Variants in WDR49 observed in about 807,000 individuals in gnomAD.
WDR49 encodes WD repeat domain 49, also known as cilia- and flagella-associated protein 337.
In WDR49, 107 loss-of-function variants were observed where a neutral mutation model predicts 119.5. The ratio of observed to expected loss-of-function variants is 0.90; its 90% CI spans 0.77 to 1.05. The LOEUF (loss-of-function observed/expected upper bound fraction) is 1.05. WDR49 is among the 50% of genes least tolerant of loss of function. WDR49 has a pLI of 0.00. For synonymous variants in WDR49, 425 were observed against 418.8 expected, an observed-to-expected ratio of 1.01 and a Z score of -0.18; for missense variants, 1,240 against 1,220.5, an observed-to-expected ratio of 1.02 and a Z score of -0.24.
At chr3:167,652,215 T>C (rs1718420565) in intron 2 of WDR49, among the ~76,000 whole-genome samples, 1 of 152,206 alleles carries the variant, frequency 6.6e-6, no homozygotes, top group Non-Finnish European at 1.5e-5. Context: ...TAAGTTCTAT[T>C]ATAAAGAAAT....
intron 8 of WDR49, among the ~76,000 whole-genome samples, chr3:167,565,266 T>C (rs1054721312): frequency 6.6e-6 from 1 of 151,796 alleles, no homozygotes; most frequent in Admixed American, 6.6e-5. Context: ...ATACCTGTAA[T>C]ATGCAAGGCC....
At chr3:167,653,239 G>A (rs1406316976) in intron 2 of WDR49, 22 bp downstream of exon 2, 2 of 1,535,590 alleles carry the variant, frequency 1.3e-6, no homozygotes, top group African/African-American at 2.7e-5. Context: ...CAAACTATCT[G>A]GTCAATAAGC....
At position 167,481,534 on chromosome 3, in the gene WDR49, GAC is replaced by G. The variant is rs1750718485; in HGVS notation, c.3032-2540_3032-2539del. 2.6e-5 allele frequency among the ~76,000 whole-genome samples: 4 copies of G among 152,000 alleles called. No homozygotes were observed. In the South Asian group the frequency reaches 8.3e-4, roughly 32 times the overall value. On this transcript the variant is annotated intron_variant, in intron 18 of 18. Coordinates refer to ENST00000682715, the MANE Select transcript of WDR49 (RefSeq NM_001366157.1). The stretch of plus-strand genomic sequence containing the variant: ...AATTAGAAAAATAATAAATGTTGAA[GAC>G]AGACAAAAAATAGATCAACAAACAT...
intron 8 of WDR49, among the ~76,000 whole-genome samples, chr3:167,572,455 G>T (rs1713986924): frequency 6.6e-6 from 1 of 152,200 alleles, no homozygotes; most frequent in Non-Finnish European, 1.5e-5. Context: ...ACAAGGGAAG[G>T]TTTTCATTAA....
At chr3:167,579,179 T>C (rs973399278) in intron 7 of WDR49, among the ~76,000 whole-genome samples, 1 of 152,126 alleles carries the variant, frequency 6.6e-6, no homozygotes, top group Non-Finnish European at 1.5e-5. Flanking sequence ...ACCATGCCTT[T>C]ATAAATTACC....
At chr3:167,654,142 C>T (rs141610266), upstream of WDR49, among the ~76,000 whole-genome samples, 100 of 152,056 alleles carry the variant, frequency 6.6e-4, no homozygotes, top group East Asian at 6.4e-3. Flanking sequence ...TTTTATTAAA[C>T]GACATCTTGT....
chr3:167,620,005 T>C (rs369193632), intron 5 of WDR49, among the ~76,000 whole-genome samples: 1 of 152,098 alleles, frequency 6.6e-6, no homozygotes, highest in Admixed American at 6.6e-5. Context: ...ACAATTCAAT[T>C]CTAAAGGCAG....
chr3:167,515,403 T>A (rs530686782), intron 16 of WDR49, among the ~76,000 whole-genome samples: 1 of 152,306 alleles, frequency 6.6e-6, no homozygotes, highest in African/African-American at 2.4e-5. Flanking sequence ...ATTACCTCAA[T>A]AGGTACAGAA....
At chr3:167,643,414 T>C (rs1176677837) in intron 2 of WDR49, among the ~76,000 whole-genome samples, 1 of 152,104 alleles carries the variant, frequency 6.6e-6, no homozygotes, top group Non-Finnish European at 1.5e-5. Context: ...TCTTCAAAAA[T>C]GTTTATGTCA....
intron 18 of WDR49, among the ~76,000 whole-genome samples, chr3:167,482,539 C>T (rs1339333494): frequency 4.6e-5 from 7 of 150,838 alleles, no homozygotes; most frequent in African/African-American, 9.7e-5. Flanking sequence ...ATTAGTCGGG[C>T]CTGGTGGTGG....
chr3:167,523,524 T>C (rs114310684), intron 15 of WDR49, among the ~76,000 whole-genome samples: 1,888 of 152,200 alleles, frequency 0.012, 39 homozygotes, highest in African/African-American at 0.044. Flanking sequence ...ATTAGGTATT[T>C]ATCCTAATGC....
chr3:167,575,999 T>C lies in WDR49; in HGVS notation c.1428A>G (p.Ala476=). 1 of 1,614,134 alleles carries C rather than the reference T, an allele frequency of 6.2e-7. No homozygotes were observed. The highest frequency in any genetic ancestry group is 8.5e-7 in the Non-Finnish European group (1 of 1,180,008). ...CCCTCTTGCTGGCTTCACTTTTCAT[T>C]GCCAACAATGCTAGCTGGTTATTAA... The part of the protein sequence containing the change: ...ISFNNQLALL[A]MKSEASKRVK... Residue 476 remains alanine, a synonymous_variant, in exon 8 of 19, where the codon GCA becomes GCG. Coordinates refer to ENST00000682715, the MANE Select transcript of WDR49 (RefSeq NM_001366157.1).
Position 167,653,262 on chromosome 3 carries a change from T to G in WDR49, c.164A>C (p.Glu55Ala). ...CTGGTCAATAAGCTTCACACTTACCTCAAAGGCCTTCTGTATTTTTACAAA... is the reference window on the plus strand; with the variant it reads ...CTGGTCAATAAGCTTCACACTTACCGCAAAGGCCTTCTGTATTTTTACAAA... ...GDFVKIQKAF[E>A]SPQPRKIICM... is the part of the protein sequence containing the mutation. Residue 55 changes from glutamate (E) to alanine (A), a missense_variant and splice_region_variant, in exon 2 of 19, where the codon GAG (glutamate) becomes GCG (alanine). Glu to Ala is a moderately radical substitution (Grantham distance 107). Transcript: ENST00000682715. 6.5e-7 allele frequency: 1 copy of G among 1,536,170 alleles called. No homozygotes were observed. The highest frequency in any genetic ancestry group is 8.7e-7 in the Non-Finnish European group (1 of 1,146,876).
At chr3:167,550,778 TGAGAGAG>T (rs1712509807) in intron 10 of WDR49, among the ~76,000 whole-genome samples, 1 of 144,016 alleles carries the variant, frequency 6.9e-6, no homozygotes, top group Non-Finnish European at 1.5e-5. Context: ...TTTTTTTTTT[TGAGAGAG>T]AGAGAGAGAG....
chr3:167,544,391 A>G (rs2108256283), intron 10 of WDR49, among the ~76,000 whole-genome samples: 1 of 152,262 alleles, frequency 6.6e-6, no homozygotes, highest in East Asian at 1.9e-4. Flanking sequence ...ATCTGGAAGC[A>G]TCACATTACT....
chr3:167,509,439 T>A (rs1017330572), intron 16 of WDR49, among the ~76,000 whole-genome samples: 1 of 152,214 alleles, frequency 6.6e-6, no homozygotes, highest in South Asian at 2.1e-4. Context: ...TTAAAATTTA[T>A]TATTGAATTA....
In WDR49 at chr3:167,615,604, T is replaced by G. The variant is rs566653182; in HGVS notation, c.958+4825A>C. 4.9e-4 allele frequency among the ~76,000 whole-genome samples: 75 copies of G among 152,214 alleles called. No homozygotes were observed. In the South Asian group the frequency reaches 0.015, roughly 30 times the overall value. On this transcript the variant is annotated intron_variant, in intron 5 of 18. Coordinates refer to ENST00000682715, the MANE Select transcript of WDR49 (RefSeq NM_001366157.1). ...TTGCAAAATGGCTTTTTTTTGCTCT[T>G]CAATCAAAACATAAAATCCCATAGA...
intron 18 of WDR49, among the ~76,000 whole-genome samples, chr3:167,492,933 G>A (rs1343662542): frequency 2.0e-5 from 3 of 151,764 alleles, no homozygotes; most frequent in Non-Finnish European, 4.4e-5. Context: ...CAAGCATGGA[G>A]AGGCGGATAA....
intron 5 of WDR49, among the ~76,000 whole-genome samples, chr3:167,607,434 G>C (rs1716116330): frequency 6.6e-6 from 1 of 152,130 alleles, no homozygotes; most frequent in African/African-American, 2.4e-5. Context: ...ACTTTAAATA[G>C]TTTTTAGGAT....
Sources: allele counts gnomAD v4.1 joint callset (sites outside exome capture counted in the v4.1 genomes callset), GRCh38; gene constraint gnomAD v4.1.1; transcripts MANE v1.5; gene names NCBI Gene and HGNC (gene_info 2026-07-23, HGNC 2026-07-21).